Variants in HMGA2 observed in about 807,000 individuals in gnomAD.
The protein encoded by HMGA2 is high mobility group protein HMGI-C.
In HMGA2, 8 loss-of-function variants were observed where a neutral mutation model predicts 19.1. That is an observed-to-expected ratio of 0.42 (90% CI 0.25 to 0.76). The LOEUF (loss-of-function observed/expected upper bound fraction) is 0.76. Ranked by LOEUF, HMGA2 falls within the 30% of genes least tolerant of loss-of-function variation. The probability of loss-of-function intolerance (pLI) is 0.28; values close to 1 mark genes in which losing one functional copy is unlikely to be tolerated. For synonymous variants in HMGA2, 60 were observed against 48.8 expected (o/e 1.23, Z -0.96); for missense variants, 109 against 136.3 (o/e 0.80, Z 1.00).
intron 3 of HMGA2, among the ~76,000 whole-genome samples, chr12:65,939,277 G>A (rs760098095): frequency 5.3e-5 from 8 of 152,006 alleles, no homozygotes; most frequent in Non-Finnish European, 5.9e-5. Flanking sequence ...GCAGTGTGTC[G>A]GTAGCTTTGA....
At chr12:65,886,114 T>A (rs1415397508) in intron 3 of HMGA2, among the ~76,000 whole-genome samples, 1 of 152,136 alleles carries the variant, frequency 6.6e-6, no homozygotes, top group Non-Finnish European at 1.5e-5. Flanking sequence ...TTAAACTGAA[T>A]CAAGAAAAAG....
intron 3 of HMGA2, among the ~76,000 whole-genome samples, chr12:65,917,031 G>C (rs1283963369): frequency 2.6e-5 from 4 of 152,204 alleles, no homozygotes; most frequent in African/African-American, 9.7e-5. Flanking sequence ...GGACTGAAAA[G>C]AGGAAGAGGT....
intron 3 of HMGA2, among the ~76,000 whole-genome samples, chr12:65,908,546 A>G (rs974605779): frequency 1.3e-5 from 2 of 151,916 alleles, no homozygotes; most frequent in Admixed American, 6.6e-5. Flanking sequence ...ATATGTCTCC[A>G]GTTGTTGCTG....
intron 3 of HMGA2, chr12:65,881,835 C>T (rs991719656): frequency 1.4e-6 from 1 of 702,890 alleles, no homozygotes; most frequent in East Asian, 2.7e-5. Context: ...GACACATTCC[C>T]TTCCTTGAAC....
At chr12:65,927,632 G>C (rs1592450848) in intron 3 of HMGA2, among the ~76,000 whole-genome samples, 1 of 152,200 alleles carries the variant, frequency 6.6e-6, no homozygotes, top group East Asian at 1.9e-4. Context: ...CCAAGATCTT[G>C]TAGCTAATTA....
chr12:65,936,460 A>G (rs944515797), intron 3 of HMGA2, among the ~76,000 whole-genome samples: 1 of 152,160 alleles, frequency 6.6e-6, no homozygotes, highest in Admixed American at 6.5e-5. Flanking sequence ...GTGCAGCTGA[A>G]ACTAGAATTC....
intron 3 of HMGA2, among the ~76,000 whole-genome samples, chr12:65,870,689 A>T (rs576395370): frequency 6.6e-6 from 1 of 152,260 alleles, no homozygotes; most frequent in Non-Finnish European, 1.5e-5. Context: ...AGATCGTGCC[A>T]CTGCACTCTA....
rs889367804 is a variant in HMGA2, at chr12:65,963,556, A to T, written c.*264A>T. ...TAAACACAGGGGACACAGCTTAACA[A>T]TGCAACTTTTAATTACTGTTTTCTT... On this transcript the variant is annotated 3_prime_UTR_variant, in exon 5 of 5. Coordinates refer to ENST00000403681, the MANE Select transcript of HMGA2 (RefSeq NM_003483.6). The T allele has an allele frequency of 2.0e-6, 1 of 502,230 alleles. No homozygotes were observed. The highest frequency in any genetic ancestry group is 3.5e-6 in the Non-Finnish European group (1 of 284,026). The allele number at this position is 502,230 out of a possible 1,614,324, so 31.1% of individuals were successfully genotyped here. A position where few individuals can be genotyped will look rare whatever the true frequency, so the allele number is the denominator to read the frequency against.
intron 3 of HMGA2, among the ~76,000 whole-genome samples, chr12:65,866,519 T>C (rs1384332374): frequency 6.6e-6 from 1 of 152,184 alleles, no homozygotes; most frequent in Non-Finnish European, 1.5e-5. Context: ...TTCACCTTTG[T>C]CTTCTTTTTC....
intron 3 of HMGA2, among the ~76,000 whole-genome samples, chr12:65,902,052 G>A (rs188625818): frequency 5.2e-4 from 79 of 152,234 alleles, no homozygotes; most frequent in Non-Finnish European, 7.6e-4. Flanking sequence ...TCTGAGAAAC[G>A]ACTATGTAGC....
At chr12:65,895,724 T>C (rs1874100220) in intron 3 of HMGA2, among the ~76,000 whole-genome samples, 1 of 151,994 alleles carries the variant, frequency 6.6e-6, no homozygotes, top group African/African-American at 2.4e-5. Context: ...ACCTTCTTTG[T>C]CCTACATAGT....
intron 3 of HMGA2, 59 bp from the exon 4 acceptor site, chr12:65,951,323 CT>C: frequency 9.3e-7 from 1 of 1,070,234 alleles, no homozygotes; most frequent in South Asian, 1.5e-5. Context: ...ATATGTACAC[CT>C]AATTTTTTCT....
At chr12:65,918,379 T>G (rs918114719) in intron 3 of HMGA2, among the ~76,000 whole-genome samples, 1 of 152,194 alleles carries the variant, frequency 6.6e-6, no homozygotes, top group Non-Finnish European at 1.5e-5. Flanking sequence ...AGGGGAGATG[T>G]GCACATAGGA....
chr12:65,853,315 G>A (rs900962067), intron 3 of HMGA2, among the ~76,000 whole-genome samples: 1 of 152,142 alleles, frequency 6.6e-6, no homozygotes, highest in African/African-American at 2.4e-5. Flanking sequence ...TACTGTTCAA[G>A]TTTAAATCTG....
chr12:65,876,278 C>T (rs948605788), intron 3 of HMGA2, among the ~76,000 whole-genome samples: 26 of 151,958 alleles, frequency 1.7e-4, no homozygotes, highest in African/African-American at 6.3e-4. Context: ...AGAATGGATA[C>T]TGAGTTGCTG....
Position 65,825,586 on chromosome 12 carries a change from G to A in HMGA2, c.111+205G>A, listed in dbSNP as rs1407648068. ...AGCAACCCTCCGGGCGGGGAGGTGG[G>A]GAGCCGCGGCGGGCGGCCCGGGGAA... On this transcript the variant is annotated intron_variant, in intron 1 of 4. Transcript: ENST00000403681. The surrounding 1 kb of genome is among the most constrained non-coding windows in gnomAD (Gnocchi z 4.4). 6.6e-6 allele frequency among the ~76,000 whole-genome samples: 1 copy of A among 151,290 alleles called. No individual in the cohort carries two copies. The highest frequency in any genetic ancestry group is 1.5e-5 in the Non-Finnish European group (1 of 67,766).
chr12:65,940,245 A>C (rs1876047727), intron 3 of HMGA2, among the ~76,000 whole-genome samples: 1 of 152,210 alleles, frequency 6.6e-6, no homozygotes, highest in African/African-American at 2.4e-5. Context: ...GTATAGATAG[A>C]TAGATATAGC....
intron 4 of HMGA2, chr12:65,957,732 A>G (rs929105454): frequency 6.6e-6 from 1 of 152,196 alleles, no homozygotes; most frequent in African/African-American, 2.4e-5. Context: ...TATCCCAGAA[A>G]GGAGAAATTC....
intron 3 of HMGA2, chr12:65,881,089 G>A (rs1873355222): frequency 6.6e-6 from 1 of 152,402 alleles, no homozygotes; most frequent in South Asian, 2.1e-4. Context: ...GACATATTAT[G>A]GTGGTGCGGT....
Sources: gnomAD v4.1 joint callset for allele counts (sites outside exome capture counted in the v4.1 genomes callset) on GRCh38, gnomAD v4.1.1 for gene constraint, Gnocchi (gnomAD v3.1) non-coding constraint, MANE v1.5 for transcripts, NCBI Gene and HGNC (gene_info 2026-07-23, HGNC 2026-07-21) for gene names.